SLMAP: variants seen among roughly 807,000 people sequenced by gnomAD.
SLMAP encodes sarcolemmal membrane-associated protein.
SLMAP carries 44 observed loss-of-function variants against 128.8 expected under a neutral mutation model. That is an observed-to-expected ratio of 0.34 (90% CI 0.27 to 0.44). The LOEUF (loss-of-function observed/expected upper bound fraction) is 0.44, where lower values mean the gene tolerates loss of function less well. SLMAP is among the 20% of genes least tolerant of loss of function. SLMAP has a pLI of 1.00. For synonymous variants in SLMAP, 327 were observed against 348.8 expected, an observed-to-expected ratio of 0.94 and a Z score of 0.70; for missense variants, 787 against 985.3, an observed-to-expected ratio of 0.80 and a Z score of 2.69.
intron 2 of SLMAP, among the ~76,000 whole-genome samples, chr3:57,764,039 C>T (rs946255097): frequency 2.0e-5 from 3 of 152,062 alleles, no homozygotes; most frequent in African/African-American, 7.2e-5. Flanking sequence ...AAGACAGGAA[C>T]GTTTTCCTAC....
chr3:57,763,105 A>C (rs766112945), intron 2 of SLMAP, among the ~76,000 whole-genome samples: 1 of 152,092 alleles, frequency 6.6e-6, no homozygotes, highest in Non-Finnish European at 1.5e-5. Flanking sequence ...CATAGAAAGG[A>C]TAGTGAGTGA....
chr3:57,833,523 G>T (rs1270241906), intron 3 of SLMAP, among the ~76,000 whole-genome samples: 1 of 151,888 alleles, frequency 6.6e-6, no homozygotes, highest in African/African-American at 2.4e-5. Context: ...GGGCTCAAGT[G>T]ATTCTCCTGC....
At chr3:57,908,987 G>T in intron 18 of SLMAP, 89 bp from the exon 19 acceptor site, 1 of 886,948 alleles carries the variant, frequency 1.1e-6, no homozygotes, top group South Asian at 1.6e-5. Flanking sequence ...TTTTAGGAGA[G>T]AATTTTAAAA....
chr3:57,880,454 C>G (rs149232129), intron 14 of SLMAP, among the ~76,000 whole-genome samples: 8 of 152,108 alleles, frequency 5.3e-5, no homozygotes, highest in African/African-American at 1.9e-4. Context: ...CCGCCCGCCT[C>G]AGCCTCCCAA....
chr3:57,765,534 C>A (rs2079511736), intron 2 of SLMAP, among the ~76,000 whole-genome samples: 1 of 152,196 alleles, frequency 6.6e-6, no homozygotes, highest in Non-Finnish European at 1.5e-5. Flanking sequence ...CTGAATTTGA[C>A]AACCAAGATT....
chr3:57,929,564 A>G lies in SLMAP; in HGVS notation c.*2275A>G, dbSNP rs957182476. ...TTCAGTTCACTTCCACGTTAAATAA[A>G]GAATAGGATTATTCACTGGTAATAA... On this transcript the variant is annotated 3_prime_UTR_variant, in exon 25 of 25. Transcript: ENST00000671191. Among the ~76,000 whole-genome samples, 2 of 152,272 alleles carry G rather than the reference A, an allele frequency of 1.3e-5. No homozygotes were observed. Among genetic ancestry groups the G allele is most frequent in the Non-Finnish European group, 2.9e-5 (2 of 68,048 alleles).
chr3:57,906,607 G>A (rs73088402), intron 17 of SLMAP, among the ~76,000 whole-genome samples: 3,264 of 146,190 alleles, frequency 0.022, 73 homozygotes, highest in South Asian at 0.051. Flanking sequence ...ATGAACCACC[G>A]CGCCTAGGCC....
chr3:57,889,542 A>G (rs2096003209), intron 14 of SLMAP, among the ~76,000 whole-genome samples: 1 of 152,220 alleles, frequency 6.6e-6, no homozygotes, highest in Non-Finnish European at 1.5e-5. Context: ...AAAATCCCCC[A>G]TAAAACAAAA....
chr3:57,906,304 T>TTTTTCTTTTTCTTTTTTTTC (rs373233450), intron 17 of SLMAP, among the ~76,000 whole-genome samples: 1 of 113,564 alleles, frequency 8.8e-6, no homozygotes. Flanking sequence ...TTTTTTCTTT[T>TTTTTCTTTTTCTTTTTTTTC]TTTTTCTTTT....
chr3:57,873,017 T>C (rs1426748500), intron 14 of SLMAP, among the ~76,000 whole-genome samples: 1 of 152,188 alleles, frequency 6.6e-6, no homozygotes, highest in Non-Finnish European at 1.5e-5. Context: ...TACCTGGTAA[T>C]TAAAACAGAC....
In SLMAP at chr3:57,757,568, G is replaced by A. The variant is rs2077829745; in HGVS notation, c.-84G>A. ...TAATTTAAAATTTTGGGTGGGATAG[G>A]GGCATAGGCTTGTGAAGGGCAGTCC... On this transcript the variant is annotated 5_prime_UTR_variant, in exon 2 of 25. Transcript: ENST00000671191. The A allele has an allele frequency of 7.6e-7, 1 of 1,312,218 alleles. No individual in the cohort carries two copies. Among genetic ancestry groups the A allele is most frequent in the Non-Finnish European group, 1.1e-6 (1 of 920,432 alleles). The allele number at this position is 1,312,218 out of a possible 1,614,324, so 81.3% of individuals were successfully genotyped here. A position where few individuals can be genotyped will look rare whatever the true frequency, so the allele number is the denominator to read the frequency against.
intron 2 of SLMAP, among the ~76,000 whole-genome samples, chr3:57,801,662 T>C (rs1401711071): frequency 6.6e-6 from 1 of 151,842 alleles, no homozygotes; most frequent in Non-Finnish European, 1.5e-5. Context: ...TTTTTAACTA[T>C]TATAAATCAT....
chr3:57,843,972 G>T (rs1469712897), intron 4 of SLMAP, among the ~76,000 whole-genome samples: 2 of 150,816 alleles, frequency 1.3e-5, no homozygotes, highest in African/African-American at 4.9e-5. Context: ...GTAGAGATGG[G>T]GTTTCACTAT....
At chr3:57,860,979 C>G in intron 9 of SLMAP, 140 bp downstream of exon 9, 1 of 681,870 alleles carries the variant, frequency 1.5e-6, no homozygotes. Context: ...GGAACAGTTA[C>G]GCTGCTTTCA....
intron 17 of SLMAP, among the ~76,000 whole-genome samples, chr3:57,906,894 A>C (rs2096582570): frequency 6.6e-6 from 1 of 151,904 alleles, no homozygotes; most frequent in South Asian, 2.1e-4. Flanking sequence ...AAAATTAAAA[A>C]GCAGAATGAT....
intron 13 of SLMAP, among the ~76,000 whole-genome samples, chr3:57,866,015 A>G (rs990427918): frequency 6.6e-6 from 1 of 152,168 alleles, no homozygotes; most frequent in African/African-American, 2.4e-5. Context: ...GTAGAAATTA[A>G]ACTCTTTTCT....
At chr3:57,912,863 A>G (rs1183283918) in intron 20 of SLMAP, among the ~76,000 whole-genome samples, 162 bp downstream of exon 20, 1 of 152,182 alleles carries the variant, frequency 6.6e-6, no homozygotes, top group Non-Finnish European at 1.5e-5. Context: ...CAGGTCTGCA[A>G]GTTCTACTTA....
At chr3:57,889,984 C>T (rs2096014360) in intron 14 of SLMAP, 57 bp from the exon 15 acceptor site, 3 of 1,236,476 alleles carry the variant, frequency 2.4e-6, no homozygotes, top group East Asian at 2.3e-5. Flanking sequence ...CACTGCCCAG[C>T]TCAGGGAAAT....
At chr3:57,871,327 T>A (rs879876698) in intron 13 of SLMAP, among the ~76,000 whole-genome samples, 2 of 152,220 alleles carry the variant, frequency 1.3e-5, no homozygotes, top group Non-Finnish European at 2.9e-5. Context: ...TTAAATTATT[T>A]AAGGGTATTT....
Sources: gnomAD v4.1 joint callset for allele counts (sites outside exome capture counted in the v4.1 genomes callset) on GRCh38, gnomAD v4.1.1 for gene constraint, MANE v1.5 for transcripts, NCBI Gene and HGNC (gene_info 2026-07-23, HGNC 2026-07-21) for gene names.